SPAG6: variants seen among roughly 807,000 people sequenced by gnomAD.
SPAG6 encodes the protein sperm associated antigen 6, also known as sperm-associated antigen 6.
Under a neutral mutation model 58.5 loss-of-function variants are expected in SPAG6, and 49 were observed. The observed-to-expected ratio is 0.84, with a 90% CI of 0.67 to 1.06. The LOEUF (loss-of-function observed/expected upper bound fraction) is 1.06, where lower values mean the gene tolerates loss of function less well. Ranked by LOEUF, SPAG6 falls within the 50% of genes least tolerant of loss-of-function variation. The pLI, the probability that SPAG6 is intolerant of heterozygous loss-of-function variation, is 0.00. For synonymous variants in SPAG6, 233 were observed against 225.6 expected, an observed-to-expected ratio of 1.03 and a Z score of -0.29; for missense variants, 560 against 611.3, an observed-to-expected ratio of 0.92 and a Z score of 0.89.
At chr10:22,350,458 G>T (rs959034401) in intron 2 of SPAG6, among the ~76,000 whole-genome samples, 6 of 151,972 alleles carry the variant, frequency 3.9e-5, no homozygotes, top group African/African-American at 1.5e-4. Flanking sequence ...AAAAAACTAA[G>T]CTGTAGATGA....
intron 9 of SPAG6, among the ~76,000 whole-genome samples, chr10:22,403,645 T>C (rs1230431636): frequency 2.1e-5 from 3 of 146,244 alleles, no homozygotes; most frequent in Non-Finnish European, 4.4e-5. Context: ...TTTGGGTATA[T>C]ACCCAGTAAT....
intron 2 of SPAG6, among the ~76,000 whole-genome samples, chr10:22,362,443 A>T (rs1200719849): frequency 6.6e-6 from 1 of 151,694 alleles, no homozygotes; most frequent in Non-Finnish European, 1.5e-5. Flanking sequence ...TATTTATTAT[A>T]AAAAATATGA....
chr10:22,347,197 T>A (rs1471653246), intron 2 of SPAG6, among the ~76,000 whole-genome samples: 1 of 152,192 alleles, frequency 6.6e-6, no homozygotes, highest in Non-Finnish European at 1.5e-5. Flanking sequence ...GGACAACCAC[T>A]AATCTCTTCT....
intron 4 of SPAG6, among the ~76,000 whole-genome samples, chr10:22,383,824 A>G (rs559373309): frequency 6.6e-6 from 1 of 152,252 alleles, no homozygotes; most frequent in Admixed American, 6.5e-5. Context: ...AGGGTTTTCT[A>G]GAACAGAACA....
At chr10:22,368,399 A>T in intron 3 of SPAG6, 96 bp from the exon 4 acceptor site, 2 of 876,334 alleles carry the variant, frequency 2.3e-6, no homozygotes, top group Non-Finnish European at 3.5e-6. Flanking sequence ...AGCTTTATTT[A>T]TAGTAATGTT....
intron 8 of SPAG6, among the ~76,000 whole-genome samples, chr10:22,395,496 T>C (rs958994604): frequency 1.1e-4 from 16 of 152,120 alleles, no homozygotes; most frequent in Non-Finnish European, 2.9e-5. Flanking sequence ...TGAAAATCTT[T>C]TCATATGTTT....
Position 22,387,623 on chromosome 10 carries a change from A to G in SPAG6, c.679-200A>G, listed in dbSNP as rs541025756. Reference sequence around the variant, plus strand: ...CAAAATATTGAGAACTAATTTGGAAATTAGGAATTTTTAGAACTTGGGTAT... The same window carrying G: ...CAAAATATTGAGAACTAATTTGGAAGTTAGGAATTTTTAGAACTTGGGTAT... On this transcript the variant is annotated intron_variant, in intron 5 of 10. Coordinates refer to ENST00000376624, the MANE Select transcript of SPAG6 (RefSeq NM_012443.4). Among the ~76,000 whole-genome samples the G allele has an allele frequency of 3.3e-5, 5 of 152,330 alleles. No individual in the cohort carries two copies. The East Asian group carries it at 7.7e-4, about 23-fold the overall frequency.
At chr10:22,401,716 G>A (rs1026262223) in intron 9 of SPAG6, among the ~76,000 whole-genome samples, 6 of 152,120 alleles carry the variant, frequency 3.9e-5, no homozygotes, top group African/African-American at 7.2e-5. Flanking sequence ...GGAGCATATC[G>A]ACTTATTTTG....
chr10:22,349,382 T>C (rs1028469270), intron 2 of SPAG6, among the ~76,000 whole-genome samples: 1 of 152,226 alleles, frequency 6.6e-6, no homozygotes, highest in Non-Finnish European at 1.5e-5. Context: ...TTTTGATACT[T>C]CCCGTCTGAA....
chr10:22,363,198 A>G (rs531546318), intron 2 of SPAG6, among the ~76,000 whole-genome samples: 1 of 152,346 alleles, frequency 6.6e-6, no homozygotes, highest in African/African-American at 2.4e-5. Flanking sequence ...TAAGAAACCA[A>G]CAACAATGAA....
chr10:22,363,083 T>G (rs890698180), intron 2 of SPAG6, among the ~76,000 whole-genome samples: 1 of 152,100 alleles, frequency 6.6e-6, no homozygotes, highest in Admixed American at 6.5e-5. Context: ...TGGCAATTCT[T>G]AGTGGTGATG....
At chr10:22,355,060 A>G (rs1328640573) in intron 2 of SPAG6, among the ~76,000 whole-genome samples, 1 of 152,182 alleles carries the variant, frequency 6.6e-6, no homozygotes, top group Admixed American at 6.5e-5. Context: ...TTCATACAGT[A>G]ACAATGGAAG....
chr10:22,402,598 T>C (rs1834442689), intron 9 of SPAG6, among the ~76,000 whole-genome samples: 1 of 152,206 alleles, frequency 6.6e-6, no homozygotes, highest in Non-Finnish European at 1.5e-5. Flanking sequence ...CCAGGCAGGA[T>C]ACAGTTCTGT....
intron 4 of SPAG6, among the ~76,000 whole-genome samples, chr10:22,386,278 G>A (rs1032583005): frequency 6.6e-6 from 1 of 152,192 alleles, no homozygotes; most frequent in East Asian, 1.9e-4. Flanking sequence ...CAAGATAAAA[G>A]GAATTTAAAA....
chr10:22,371,011 T>C (rs1463438266), intron 4 of SPAG6, among the ~76,000 whole-genome samples: 1 of 152,206 alleles, frequency 6.6e-6, no homozygotes, highest in Admixed American at 6.5e-5. Flanking sequence ...AAAATGATTA[T>C]AGTTCATAAA....
At chr10:22,368,083 A>C (rs1837247516) in intron 3 of SPAG6, among the ~76,000 whole-genome samples, 1 of 152,226 alleles carries the variant, frequency 6.6e-6, no homozygotes, top group South Asian at 2.1e-4. Flanking sequence ...AAGTAAAGGA[A>C]ATGAATTAGT....
intron 9 of SPAG6, among the ~76,000 whole-genome samples, chr10:22,404,710 T>C (rs1483477593): frequency 7.2e-6 from 1 of 138,820 alleles, no homozygotes; most frequent in African/African-American, 2.8e-5. Flanking sequence ...GCATTGAATC[T>C]GTAAATTACC....
chr10:22,412,979 AAT>A (rs982382372), intron 10 of SPAG6: 12 of 150,884 alleles, frequency 8.0e-5, no homozygotes, highest in African/African-American at 2.7e-4. Flanking sequence ...TTATACGTGG[AAT>A]ATGTGTCCCT....
chr10:22,347,333 A>G (rs1435947065), intron 2 of SPAG6, among the ~76,000 whole-genome samples: 5 of 152,212 alleles, frequency 3.3e-5, no homozygotes, highest in Non-Finnish European at 7.3e-5. Flanking sequence ...CCAGAACAAT[A>G]CTGGGCACAC....
Sources: gnomAD v4.1 joint callset for allele counts (sites outside exome capture counted in the v4.1 genomes callset) on GRCh38, gnomAD v4.1.1 for gene constraint, MANE v1.5 for transcripts, NCBI Gene and HGNC (gene_info 2026-07-23, HGNC 2026-07-21) for gene names.